Variants in WDR47 observed in about 807,000 individuals in gnomAD.
WDR47 encodes the protein WD repeat-containing protein 47.
Under a neutral mutation model 97.2 loss-of-function variants are expected in WDR47, and 32 were observed. That is an observed-to-expected ratio of 0.33 (90% CI 0.25 to 0.44). The LOEUF (loss-of-function observed/expected upper bound fraction) is 0.44, where lower values mean the gene tolerates loss of function less well. WDR47 is among the 20% of genes least tolerant of loss of function. The probability of loss-of-function intolerance (pLI) is 1.00; values close to 1 mark genes in which losing one functional copy is unlikely to be tolerated. For missense variants in WDR47, 782 were observed against 1,102.3 expected, an observed-to-expected ratio of 0.71 and a Z score of 4.11; for synonymous variants, 375 against 373.5, an observed-to-expected ratio of 1.00 and a Z score of -0.05.
At chr1:109,016,851 T>C (rs1324917006) in intron 3 of WDR47, among the ~76,000 whole-genome samples, 2 of 149,958 alleles carry the variant, frequency 1.3e-5, no homozygotes, top group East Asian at 1.9e-4. Flanking sequence ...AAACTGAGCC[T>C]GATATAAGCA....
intron 13 of WDR47, among the ~76,000 whole-genome samples, chr1:108,979,358 T>C (rs1280300799): frequency 2.0e-5 from 3 of 152,122 alleles, no homozygotes; most frequent in African/African-American, 7.2e-5. Flanking sequence ...CCAAAATTGA[T>C]ATATCAAAAA....
At chr1:109,023,865 A>C (rs1662022135) in intron 1 of WDR47, among the ~76,000 whole-genome samples, 1 of 152,224 alleles carries the variant, frequency 6.6e-6, no homozygotes, top group East Asian at 1.9e-4. Context: ...TAGGTAAATG[A>C]GGGTTTATTA....
In WDR47 at chr1:109,032,413, C is replaced by T. The variant is rs1662663841; in HGVS notation, c.-9-8892G>A. Among the ~76,000 whole-genome samples, 2 of 131,578 alleles carry T rather than the reference C, an allele frequency of 1.5e-5. 1 individual carries two copies. The highest frequency in any genetic ancestry group is 5.5e-5 in the African/African-American group (2 of 36,590). The allele number at this position is 131,578 out of a possible 152,430, so 86.3% of individuals were successfully genotyped here. On this transcript the variant is annotated intron_variant, in intron 1 of 14. Coordinates refer to ENST00000369962, the MANE Select transcript of WDR47 (RefSeq NM_001142551.2). Reference sequence around the variant, plus strand: ...GTCCCAGCTACTCGGGAGGCTGAGGCAGGAGAATGGCATGAACCCGGGAGG... The same window carrying T: ...GTCCCAGCTACTCGGGAGGCTGAGGTAGGAGAATGGCATGAACCCGGGAGG...
At position 109,006,197 on chromosome 1, in the gene WDR47, C is replaced by T. The variant is rs917379995; in HGVS notation, c.1131-1482G>A. Among the ~76,000 whole-genome samples the T allele has an allele frequency of 3.3e-5, 5 of 151,954 alleles. No homozygotes were observed. The East Asian group carries it at 5.8e-4, about 18-fold the overall frequency. On this transcript the variant is annotated intron_variant, in intron 5 of 14. Transcript: ENST00000369962. The stretch of plus-strand genomic sequence containing the variant: ...ATCACCTGAGGTCGGGAGTATGAGA[C>T]GAACCTGACCAACATGGAAAAACCC...
At chr1:108,973,993 A>G (rs1657686079) in intron 14 of WDR47, among the ~76,000 whole-genome samples, 1 of 152,144 alleles carries the variant, frequency 6.6e-6, no homozygotes, top group Non-Finnish European at 1.5e-5. Flanking sequence ...CAGAAGTTTG[A>G]GACCAGCCTG....
intron 2 of WDR47, 149 bp from the exon 3 acceptor site, chr1:109,017,750 A>AT (rs33990918): frequency 0.096 from 41,571 of 435,098 alleles, 1,008 homozygotes; most frequent in African/African-American, 0.15. Context: ...ATTTTTCATA[A>AT]TTTTTTTTTT....
intron 8 of WDR47, chr1:108,992,680 T>C (rs1025854002): frequency 1.5e-5 from 23 of 1,517,470 alleles, no homozygotes; most frequent in Non-Finnish European, 2.1e-5. Flanking sequence ...ACAGAGCTCA[T>C]GGTCGGATTA....
intron 9 of WDR47, among the ~76,000 whole-genome samples, chr1:108,988,305 GA>G (rs35875513): frequency 0.25 from 33,008 of 133,330 alleles, 3,887 homozygotes; most frequent in Admixed American, 0.33. Flanking sequence ...TAACTATTAA[GA>G]AAAAAAAAAA....
At chr1:108,997,331 T>G (rs1659827690) in intron 7 of WDR47, among the ~76,000 whole-genome samples, 1 of 148,860 alleles carries the variant, frequency 6.7e-6, no homozygotes, top group Non-Finnish European at 1.5e-5. Context: ...TGGTCCTAGC[T>G]ACTTGGAAGG....
chr1:109,026,417 C>T (rs1662222912), intron 1 of WDR47, among the ~76,000 whole-genome samples: 1 of 151,592 alleles, frequency 6.6e-6, no homozygotes, highest in Non-Finnish European at 1.5e-5. Flanking sequence ...AACTGTCTCC[C>T]TAATATTATT....
At chr1:108,974,207 A>G (rs1253750269) in intron 14 of WDR47, among the ~76,000 whole-genome samples, 4 of 151,974 alleles carry the variant, frequency 2.6e-5, no homozygotes, top group Non-Finnish European at 5.9e-5. Context: ...AAACAAAAAC[A>G]GGCTGGGCGT....
At chr1:109,004,760 G>T (rs201558662) in intron 5 of WDR47, 45 bp from the exon 6 acceptor site, 1 of 1,539,136 alleles carries the variant, frequency 6.5e-7, no homozygotes, top group Non-Finnish European at 8.7e-7. Context: ...AGAGGGGGGA[G>T]TAAAGGAAAA....
Position 108,983,408 on chromosome 1 carries a change from T to A in WDR47, c.1969A>T (p.Asn657Tyr), listed in dbSNP as rs1175664730. ...PKQPVVRFKRNKHHKGSIYCV... is the reference protein window; with the variant it reads ...PKQPVVRFKRYKHHKGSIYCV... ...TAAATGGATCCTTTATGATGTTTAT[T>A]CCTTTTAAAACGTACCACCGGCTGC... The change falls in exon 11 of 15, where the codon AAT becomes TAT. Residue 657 changes from asparagine to tyrosine, a missense_variant. This residue lies in a region of WDR47 where 228 missense variants were observed against 396.7 expected (regional missense o/e 0.57). Transcript: ENST00000369962. The A allele has an allele frequency of 6.2e-7, 1 of 1,609,110 alleles. No individual in the cohort carries two copies. Among genetic ancestry groups the A allele is most frequent in the South Asian group, 1.1e-5 (1 of 90,262 alleles).
intron 4 of WDR47, 64 bp from the exon 5 acceptor site, chr1:109,011,782 G>T (rs1429437346): frequency 7.1e-7 from 1 of 1,417,478 alleles, no homozygotes; most frequent in South Asian, 1.4e-5. Context: ...ATATGAAAAC[G>T]ACAAGAGTAC....
At chr1:108,988,159 CGATT>C (rs1382025059) in intron 9 of WDR47, among the ~76,000 whole-genome samples, 4 of 122,230 alleles carry the variant, frequency 3.3e-5, no homozygotes, top group Admixed American at 1.1e-4. Context: ...GTGGGAGGAT[CGATT>C]GAGTCTGGGA....
At chr1:109,038,968 G>C (rs1663145763) in intron 1 of WDR47, among the ~76,000 whole-genome samples, 1 of 151,808 alleles carries the variant, frequency 6.6e-6, no homozygotes, top group South Asian at 2.1e-4. Context: ...AACAGAGCGA[G>C]ACCCCATCTC....
At chr1:109,000,055 C>G (rs891936028) in intron 7 of WDR47, among the ~76,000 whole-genome samples, 1 of 152,080 alleles carries the variant, frequency 6.6e-6, no homozygotes, top group African/African-American at 2.4e-5. Flanking sequence ...TTTAAACAAT[C>G]CTTGTGTGAG....
rs1663142496 is a variant in WDR47 at position 109,038,927 on chromosome 1, C to T, written c.-10+2935G>A. Among the ~76,000 whole-genome samples, 4 of 151,922 alleles carry T rather than the reference C, an allele frequency of 2.6e-5. No homozygotes were observed. The South Asian group carries it at 8.3e-4, about 32-fold the overall frequency. On this transcript the variant is annotated intron_variant, in intron 1 of 14. Transcript: ENST00000369962. ...TTGGGAGGCGGAGGTTGCAGTGAGC[C>T]GAGATCACGCCACTGCACTCCAGCC...
At position 108,995,781 on chromosome 1, in the gene WDR47, A is replaced by G. The variant is rs1659704513; in HGVS notation, c.1490T>C (p.Val497Ala). 6.2e-7 allele frequency: 1 copy of G among 1,614,016 alleles called. No homozygotes were observed. Among genetic ancestry groups the G allele is most frequent in the African/African-American group, 1.3e-5 (1 of 74,914 alleles). The change falls in exon 8 of 15, where the codon GTA (valine) becomes GCA (alanine). Residue 497 changes from valine (V) to alanine (A), a missense_variant. By Grantham distance (64) the Val-to-Ala change is moderately conservative (BLOSUM62 0). Coordinates refer to ENST00000369962, the MANE Select transcript of WDR47 (RefSeq NM_001142551.2). ...NIGMDGLGNE[V>A]SALNQQCNGS... is the part of the protein sequence containing the mutation. ...ATTACATTGCTGGTTGAGTGCTGATACCTCATTACCAAGGCCATCCATTCC... is the reference window on the plus strand; with the variant it reads ...ATTACATTGCTGGTTGAGTGCTGATGCCTCATTACCAAGGCCATCCATTCC...
Sources: allele counts gnomAD v4.1 joint callset (sites outside exome capture counted in the v4.1 genomes callset), GRCh38; gene constraint gnomAD v4.1.1; regional missense constraint gnomAD v4.1.1; transcripts MANE v1.5; gene names NCBI Gene and HGNC (gene_info 2026-07-23, HGNC 2026-07-21).